Variants in ARHGAP24 observed in about 807,000 individuals in gnomAD.
ARHGAP24 encodes Rho GTPase activating protein 24.
ARHGAP24 carries 50 observed loss-of-function variants against 76.4 expected under a neutral mutation model. That is an observed-to-expected ratio of 0.65 (90% CI 0.52 to 0.83). ARHGAP24 has a LOEUF of 0.83. ARHGAP24 is among the 40% of genes least tolerant of loss of function. The probability of loss-of-function intolerance (pLI) is 0.00; values close to 1 mark genes in which losing one functional copy is unlikely to be tolerated. For missense variants in ARHGAP24, 930 were observed against 914.2 expected (o/e 1.02, Z -0.22); for synonymous variants, 345 against 323.3 (o/e 1.07, Z -0.72).
chr4:85,516,807 A>G lies in ARHGAP24; in HGVS notation c.-21+41248A>G, dbSNP rs527500198. On this transcript the variant is annotated intron_variant, in intron 1 of 9. Transcript: ENST00000395184. ...TGCCCCCAACTTTTAATTTTATGGT[A>G]TGTAATTGATTGGTCTTTCCTTGGA... Among the ~76,000 whole-genome samples the G allele has an allele frequency of 3.3e-5, 5 of 152,224 alleles. No individual in the cohort carries two copies. The South Asian group carries it at 8.3e-4, about 25-fold the overall frequency.
intron 1 of ARHGAP24, among the ~76,000 whole-genome samples, chr4:85,540,951 C>T (rs1319346756): frequency 8.2e-6 from 1 of 122,318 alleles, no homozygotes. Flanking sequence ...GTGCAGTTTA[C>T]TAAAGATAAT....
At chr4:85,693,971 A>G (rs952426774) in intron 2 of ARHGAP24, among the ~76,000 whole-genome samples, 1 of 152,140 alleles carries the variant, frequency 6.6e-6, no homozygotes, top group South Asian at 2.1e-4. Context: ...CCAGAGGACC[A>G]TGGTGAGAGT....
At position 86,000,710 on chromosome 4, in the gene ARHGAP24, A is replaced by G. The variant is rs1242355243; in HGVS notation, c.2235A>G (p.Ile745Met). Residue 745 changes from isoleucine (I) to methionine (M), a missense_variant, in exon 10 of 10, where the codon ATA becomes ATG. By Grantham distance (10) the Ile-to-Met change is conservative. Transcript: ENST00000395184. ...GGAGAACCGAGAGAGGAAACACAAT[A>G]TGGATTCAGTGAGCCTGCTTTCGCC... ...EPRRTERGNTIWIQ is the reference protein window; with the variant it reads ...EPRRTERGNTMWIQ The G allele has an allele frequency of 6.2e-7, 1 of 1,613,692 alleles. No individual in the cohort carries two copies. Among genetic ancestry groups the G allele is most frequent in the South Asian group, 1.1e-5 (1 of 91,056 alleles).
At chr4:85,525,975 C>T (rs150069071) in intron 1 of ARHGAP24, among the ~76,000 whole-genome samples, 27 of 152,202 alleles carry the variant, frequency 1.8e-4, no homozygotes, top group African/African-American at 6.0e-4. Context: ...GGCCTGTTCT[C>T]AGAGCTGTAT....
At chr4:85,645,644 C>A (rs1721692930) in intron 2 of ARHGAP24, among the ~76,000 whole-genome samples, 1 of 151,972 alleles carries the variant, frequency 6.6e-6, no homozygotes, top group Admixed American at 6.6e-5. Context: ...GCTGAATGTC[C>A]TTGCTTAGTA....
intron 8 of ARHGAP24, among the ~76,000 whole-genome samples, chr4:85,988,887 A>C (rs186363525): frequency 9.2e-4 from 139 of 151,858 alleles, no homozygotes; most frequent in South Asian, 2.7e-3. Context: ...TGTGTGATAC[A>C]ACTAAAGTAG....
intron 3 of ARHGAP24, among the ~76,000 whole-genome samples, chr4:85,817,848 C>T (rs540418872): frequency 1.3e-5 from 2 of 152,274 alleles, no homozygotes; most frequent in South Asian, 4.1e-4. Context: ...ATATTCCAAC[C>T]ATCTTAACTT....
chr4:85,843,693 T>C (rs897531375), intron 3 of ARHGAP24, among the ~76,000 whole-genome samples: 10 of 152,048 alleles, frequency 6.6e-5, no homozygotes, highest in African/African-American at 2.4e-4. Flanking sequence ...AAATATAATT[T>C]CATCAAACTA....
At chr4:85,540,753 G>C (rs185925070) in intron 1 of ARHGAP24, among the ~76,000 whole-genome samples, 129 of 152,152 alleles carry the variant, frequency 8.5e-4, no homozygotes, top group African/African-American at 3.1e-3. Flanking sequence ...GCCTATTTCA[G>C]AATGCTATAT....
intron 2 of ARHGAP24, among the ~76,000 whole-genome samples, chr4:85,579,080 A>G (rs1399319510): frequency 2.6e-5 from 4 of 152,206 alleles, no homozygotes; most frequent in African/African-American, 9.7e-5. Flanking sequence ...CAAAATGGTT[A>G]TGATGACAGC....
chr4:85,494,490 T>C lies in ARHGAP24; in HGVS notation c.-21+18931T>C, dbSNP rs575953016. Among the ~76,000 whole-genome samples the C allele has an allele frequency of 5.3e-5, 8 of 151,994 alleles. No individual in the cohort carries two copies. In the East Asian group the frequency reaches 1.6e-3, roughly 30 times the overall value. ...ACACGAGGTCAAGAGATCGAGACCA[T>C]CCTGGCCAACATGGTGAAACCACGT... On this transcript the variant is annotated intron_variant, in intron 1 of 9. Coordinates refer to ENST00000395184, the MANE Select transcript of ARHGAP24 (RefSeq NM_001025616.3).
chr4:85,840,699 G>C (rs1334391008), intron 3 of ARHGAP24, among the ~76,000 whole-genome samples: 1 of 152,156 alleles, frequency 6.6e-6, no homozygotes, highest in East Asian at 1.9e-4. Flanking sequence ...CAACATTGTT[G>C]AAATACAGCC....
chr4:85,540,716 A>AT (rs1308101814), intron 1 of ARHGAP24, among the ~76,000 whole-genome samples: 3 of 152,002 alleles, frequency 2.0e-5, no homozygotes, highest in East Asian at 3.9e-4. Flanking sequence ...AACTCTTCTG[A>AT]TTTTTTCCCC....
intron 3 of ARHGAP24, among the ~76,000 whole-genome samples, chr4:85,871,265 C>CA (rs1297577648): frequency 1.3e-5 from 2 of 151,922 alleles, no homozygotes; most frequent in African/African-American, 4.8e-5. Flanking sequence ...AAATTATGAA[C>CA]AAAAAATCAG....
intron 3 of ARHGAP24, among the ~76,000 whole-genome samples, chr4:85,795,390 C>T (rs1428267890): frequency 6.6e-6 from 1 of 152,022 alleles, no homozygotes; most frequent in East Asian, 1.9e-4. Context: ...AGAGTTGACA[C>T]CCTGCTTGTT....
chr4:85,476,288 A>C (rs1228185819), intron 1 of ARHGAP24, among the ~76,000 whole-genome samples: 1 of 152,056 alleles, frequency 6.6e-6, no homozygotes, highest in Non-Finnish European at 1.5e-5. Flanking sequence ...TGTTACTCTG[A>C]ATTCCTTAGA....
At chr4:85,742,993 A>C (rs1039429387) in intron 3 of ARHGAP24, among the ~76,000 whole-genome samples, 5 of 152,184 alleles carry the variant, frequency 3.3e-5, no homozygotes, top group African/African-American at 1.2e-4. Context: ...TGGAGATGGA[A>C]GTTCTGAAAA....
chr4:85,493,992 A>G (rs959018893), intron 1 of ARHGAP24, among the ~76,000 whole-genome samples: 4 of 152,298 alleles, frequency 2.6e-5, no homozygotes, highest in African/African-American at 7.2e-5. Flanking sequence ...TTGTGCTTTG[A>G]CCTACAAGGA....
intron 9 of ARHGAP24, among the ~76,000 whole-genome samples, chr4:85,999,242 A>G (rs1299586721): frequency 1.3e-5 from 2 of 152,352 alleles, no homozygotes; most frequent in East Asian, 3.9e-4. Flanking sequence ...AAGAGAATAT[A>G]TTGTAGAATA....
Sources: gnomAD v4.1 joint callset for allele counts (sites outside exome capture counted in the v4.1 genomes callset) on GRCh38, gnomAD v4.1.1 for gene constraint, MANE v1.5 for transcripts, NCBI Gene and HGNC (gene_info 2026-07-23, HGNC 2026-07-21) for gene names.